The following DLGAP5 variants were observed in gnomAD, a reference collection of about 807,000 sequenced individuals.
The protein encoded by DLGAP5 is DLG associated protein 5, also known as disks large-associated protein 5.
DLGAP5 carries 90 observed loss-of-function variants against 99.6 expected under a neutral mutation model. The ratio of observed to expected loss-of-function variants is 0.90; its 90% CI spans 0.76 to 1.08. The LOEUF (loss-of-function observed/expected upper bound fraction) is 1.08, where lower values mean the gene tolerates loss of function less well. DLGAP5 is among the 50% of genes least tolerant of loss of function. The pLI, the probability that DLGAP5 is intolerant of heterozygous loss-of-function variation, is 0.00. For synonymous variants in DLGAP5, 311 were observed against 321.3 expected, an observed-to-expected ratio of 0.97 and a Z score of 0.34; for missense variants, 1,036 against 983.5, an observed-to-expected ratio of 1.05 and a Z score of -0.71.
intron 13 of DLGAP5, among the ~76,000 whole-genome samples, chr14:55,161,796 C>T (rs1173489629): frequency 7.4e-6 from 1 of 135,656 alleles, no homozygotes; most frequent in African/African-American, 2.8e-5. Flanking sequence ...ATCACTTGAA[C>T]TCAGGAGTCA....
In DLGAP5 at chr14:55,152,513, C is replaced by T. The variant is rs183635665; in HGVS notation, c.2121+77G>A. 153 of 1,127,542 alleles carry T rather than the reference C, an allele frequency of 1.4e-4. No individual in the cohort carries two copies. In the East Asian group the frequency reaches 3.7e-3, roughly 27 times the overall value. The allele number at this position is 1,127,542 out of a possible 1,614,324, so 69.8% of individuals were successfully genotyped here. On this transcript the variant is annotated intron_variant, in intron 16 of 18. Coordinates refer to ENST00000247191, the MANE Select transcript of DLGAP5 (RefSeq NM_014750.5). ...ATTTCCAACGGAAATTCTGGGGATG[C>T]TTTACAAAGTTACTTTCTATAATGA... is the stretch of plus-strand genomic sequence containing the variant.
rs1430512583 is a variant in DLGAP5 at position 55,176,157 on chromosome 14, G to T, written c.1050-139C>A. The T allele has an allele frequency of 1.1e-5, 7 of 663,602 alleles. No homozygotes were observed. In the African/African-American group the frequency reaches 1.1e-4, roughly 10 times the overall value. The allele number at this position is 663,602 out of a possible 1,614,324, so 41.1% of individuals were successfully genotyped here. On this transcript the variant is annotated intron_variant, in intron 8 of 18. Transcript: ENST00000247191. ...TTTTTTAAAATGTGTATTCTGGAGG[G>T]GAGAAAATGTAAACACCTATAGTGT...
intron 10 of DLGAP5, among the ~76,000 whole-genome samples, chr14:55,174,545 C>T (rs906996830): frequency 4.6e-5 from 7 of 152,220 alleles, no homozygotes; most frequent in South Asian, 2.1e-4. Flanking sequence ...CGGAACCTAC[C>T]GACATGTGAT....
intron 12 of DLGAP5, among the ~76,000 whole-genome samples, chr14:55,166,423 C>A (rs188718282): frequency 6.6e-6 from 1 of 152,224 alleles, no homozygotes; most frequent in East Asian, 1.9e-4. Flanking sequence ...CAGGAGGCAT[C>A]TTTTTATACT....
chr14:55,173,272 CAAAAA>C (rs34893526), intron 10 of DLGAP5, among the ~76,000 whole-genome samples: 1 of 106,750 alleles, frequency 9.4e-6, no homozygotes, highest in African/African-American at 3.0e-5. Flanking sequence ...CCCGTCTCTA[CAAAAA>C]AAAAAAAAAA....
chr14:55,187,988 A>C (rs1338424568), intron 2 of DLGAP5, among the ~76,000 whole-genome samples: 1 of 152,208 alleles, frequency 6.6e-6, no homozygotes, highest in Non-Finnish European at 1.5e-5. Context: ...AAGCCTTTGC[A>C]AACGGGAAAT....
intron 1 of DLGAP5, among the ~76,000 whole-genome samples, chr14:55,189,583 A>T (rs1883540590): frequency 6.6e-6 from 1 of 152,222 alleles, no homozygotes; most frequent in Non-Finnish European, 1.5e-5. Flanking sequence ...AAGCCAAAAG[A>T]AAACCAAAAA....
At chr14:55,173,521 T>C (rs77157289) in intron 10 of DLGAP5, among the ~76,000 whole-genome samples, 8,788 of 152,210 alleles carry the variant, frequency 0.058, 322 homozygotes, top group South Asian at 0.09. Flanking sequence ...TTACTTCTCA[T>C]CTATTTGATT....
intron 12 of DLGAP5, among the ~76,000 whole-genome samples, chr14:55,168,905 G>A (rs550837931): frequency 1.4e-4 from 21 of 152,010 alleles, no homozygotes; most frequent in Non-Finnish European, 2.5e-4. Context: ...GGCCGGGCGC[G>A]GTGGCTCATG....
At chr14:55,154,180 C>T (rs1433341793) in intron 15 of DLGAP5, among the ~76,000 whole-genome samples, 4 of 152,166 alleles carry the variant, frequency 2.6e-5, no homozygotes, top group Non-Finnish European at 1.5e-5. Flanking sequence ...GTACTTTCTA[C>T]AAAGCCTGGT....
intron 12 of DLGAP5, among the ~76,000 whole-genome samples, chr14:55,165,358 C>T (rs183356775): frequency 2.9e-4 from 44 of 151,860 alleles, no homozygotes; most frequent in African/African-American, 9.9e-4. Flanking sequence ...CCCACCTCTA[C>T]AAAAAAATAT....
intron 17 of DLGAP5, among the ~76,000 whole-genome samples, 170 bp downstream of exon 17, chr14:55,151,523 CAA>C (rs55878559): frequency 1.9e-3 from 272 of 146,058 alleles, no homozygotes; most frequent in Non-Finnish European, 1.6e-3. Context: ...GACTCCATCT[CAA>C]AAAAAAAAAA....
intron 14 of DLGAP5, among the ~76,000 whole-genome samples, chr14:55,158,262 C>T (rs10142435): frequency 0.026 from 3,933 of 152,288 alleles, 166 homozygotes; most frequent in African/African-American, 0.09. Flanking sequence ...AATTACATTA[C>T]AGATGTGAAA....
intron 15 of DLGAP5, 145 bp from the exon 16 acceptor site, chr14:55,152,792 T>C: frequency 3.3e-6 from 2 of 611,832 alleles, no homozygotes; most frequent in East Asian, 3.1e-5. Flanking sequence ...GTGATCCAGA[T>C]AGATTAGTTT....
At chr14:55,153,553 A>T (rs1400098041) in intron 15 of DLGAP5, among the ~76,000 whole-genome samples, 2 of 151,634 alleles carry the variant, frequency 1.3e-5, no homozygotes, top group Non-Finnish European at 2.9e-5. Flanking sequence ...AAAAAAAAAA[A>T]AAATTTATCT....
At chr14:55,188,673 G>A (rs1360955359) in intron 2 of DLGAP5, among the ~76,000 whole-genome samples, 2 of 151,814 alleles carry the variant, frequency 1.3e-5, no homozygotes, top group Admixed American at 1.3e-4. Flanking sequence ...CACACTTTGG[G>A]AGGCTGAGGC....
chr14:55,180,607 C>T, intron 6 of DLGAP5, 49 bp downstream of exon 6: 5 of 1,604,970 alleles, frequency 3.1e-6, no homozygotes, highest in Non-Finnish European at 4.3e-6. Context: ...ACAAAAACCT[C>T]AAGGACCAAA....
rs773658376 is a variant in DLGAP5, at chr14:55,177,135, T to A, written c.976A>T (p.Thr326Ser). 2 of 1,594,532 alleles carry A rather than the reference T, an allele frequency of 1.3e-6. No homozygotes were observed. Among genetic ancestry groups the A allele is most frequent in the Non-Finnish European group, 1.7e-6 (2 of 1,173,014 alleles). Reference sequence around the variant, plus strand: ...TTGGCACTTCTGGGAGTCATAGGTGTTACTTGATAGGTCTTCAGACCATCC... The same window carrying A: ...TTGGCACTTCTGGGAGTCATAGGTGATACTTGATAGGTCTTCAGACCATCC... Reference protein sequence around the residue: ...PLDGLKTYQVTPMTPRSANAF... With the variant: ...PLDGLKTYQVSPMTPRSANAF... The change falls in exon 8 of 19, where the codon ACA (threonine) becomes TCA (serine). Residue 326 changes from threonine to serine, a missense_variant. Physicochemically the swap from Thr to Ser is moderately conservative, Grantham distance 58 (BLOSUM62 1). Transcript: ENST00000247191.
At chr14:55,185,235 T>A (rs1594684961) in intron 2 of DLGAP5, among the ~76,000 whole-genome samples, 1 of 152,244 alleles carries the variant, frequency 6.6e-6, no homozygotes, top group Non-Finnish European at 1.5e-5. Context: ...AGTCTCGCAC[T>A]GTCGCCTTGG....
Sources: gnomAD v4.1 joint callset for allele counts (sites outside exome capture counted in the v4.1 genomes callset) on GRCh38, gnomAD v4.1.1 for gene constraint, MANE v1.5 for transcripts, NCBI Gene and HGNC (gene_info 2026-07-23, HGNC 2026-07-21) for gene names.